RXRA: variants seen among roughly 807,000 people sequenced by gnomAD.
The protein encoded by RXRA is retinoid X receptor alpha.
RXRA carries 5 observed loss-of-function variants against 44.5 expected under a neutral mutation model. The ratio of observed to expected loss-of-function variants is 0.11; its 90% CI spans 0.06 to 0.24. RXRA has a LOEUF of 0.24. Ranked by LOEUF, RXRA falls within the 10% of genes least tolerant of loss-of-function variation. RXRA has a pLI of 1.00. For missense variants in RXRA, 412 were observed against 646.5 expected (o/e 0.64, Z 3.93); for synonymous variants, 291 against 271.4 (o/e 1.07, Z -0.71).
At chr9:134,396,840 C>G (rs1489381262) in intron 1 of RXRA, among the ~76,000 whole-genome samples, 1 of 152,228 alleles carries the variant, frequency 6.6e-6, no homozygotes, top group Admixed American at 6.5e-5. Flanking sequence ...TCGGCCCCAG[C>G]CTGTGGCCTG....
intron 1 of RXRA, among the ~76,000 whole-genome samples, chr9:134,334,504 C>T (rs1170764260): frequency 6.6e-6 from 1 of 152,270 alleles, no homozygotes; most frequent in Non-Finnish European, 1.5e-5. Context: ...GTGTCATTGA[C>T]TGCCGCAGTG....
At chr9:134,422,513 C>A in intron 6 of RXRA, 1 of 1,223,584 alleles carries the variant, frequency 8.2e-7, no homozygotes, top group Non-Finnish European at 1.1e-6. Flanking sequence ...CTCCCCTCTC[C>A]CGGGACACTC....
intron 1 of RXRA, among the ~76,000 whole-genome samples, chr9:134,389,922 G>T (rs1489528703): frequency 6.6e-6 from 1 of 152,212 alleles, no homozygotes; most frequent in Non-Finnish European, 1.5e-5. Context: ...GAGCAGAGAA[G>T]CTGCCTGCCA....
intron 1 of RXRA, among the ~76,000 whole-genome samples, chr9:134,339,854 CAT>C (rs1171541993): frequency 3.5e-5 from 5 of 141,028 alleles, no homozygotes; most frequent in Non-Finnish European, 7.7e-5. Context: ...TGTGTGAGCC[CAT>C]GTGTGTGTGT....
intron 1 of RXRA, among the ~76,000 whole-genome samples, chr9:134,352,599 G>A (rs1490724406): frequency 2.0e-5 from 3 of 152,194 alleles, no homozygotes; most frequent in Non-Finnish European, 2.9e-5. Flanking sequence ...CTTTCCTTTG[G>A]TGGGACTGAA....
intron 2 of RXRA, among the ~76,000 whole-genome samples, chr9:134,406,648 C>T (rs554147633): frequency 7.2e-5 from 11 of 152,300 alleles, no homozygotes; most frequent in South Asian, 2.1e-4. Flanking sequence ...GAGCCCAGCA[C>T]GGGGCAGGGC....
rs768600082 is a variant in RXRA at position 134,367,405 on chromosome 9, GAGA to G, written c.29-34224_29-34222del. Among the ~76,000 whole-genome samples, 31 of 152,336 alleles carry G rather than the reference GAGA, an allele frequency of 2.0e-4. No individual in the cohort carries two copies. In the South Asian group the frequency reaches 4.3e-3, roughly 21 times the overall value. ...CCCACCCTTCCACTCTCTGTGGGAA[GAGA>G]AGGACACTGAGTCTGCCTTGGGTTT... On this transcript the variant is annotated intron_variant, in intron 1 of 9. Transcript: ENST00000481739.
intron 4 of RXRA, among the ~76,000 whole-genome samples, chr9:134,413,633 C>G (rs11103416): frequency 0.018 from 2,744 of 152,312 alleles, 45 homozygotes; most frequent in Non-Finnish European, 0.027. Context: ...ATTGCCACTA[C>G]CCAAGCCAGA....
intron 2 of RXRA, chr9:134,406,454 G>A (rs1489820363): frequency 3.3e-5 from 5 of 151,364 alleles, no homozygotes; most frequent in African/African-American, 7.3e-5. Context: ...CAGTTTTGCC[G>A]ACGAGGAAAC....
At chr9:134,408,441 C>T (rs530014951) in intron 3 of RXRA, 142 bp downstream of exon 3, 38 of 861,452 alleles carry the variant, frequency 4.4e-5, no homozygotes, top group Non-Finnish European at 8.6e-6. Context: ...CTGGGCCATG[C>T]CCCACTCCCA....
chr9:134,427,111 C>A (rs1268372856), intron 6 of RXRA: 2 of 984,310 alleles, frequency 2.0e-6, no homozygotes, highest in Non-Finnish European at 2.4e-6. Context: ...ATTGAGGGGG[C>A]CTCTTCTAGA....
chr9:134,397,524 A>G (rs190092895), intron 1 of RXRA, among the ~76,000 whole-genome samples: 3 of 151,678 alleles, frequency 2.0e-5, no homozygotes, highest in African/African-American at 7.3e-5. Flanking sequence ...TCTTCTGTGC[A>G]GTCTTCCTGG....
At chr9:134,427,173 A>G in intron 6 of RXRA, 3 of 931,288 alleles carry the variant, frequency 3.2e-6, no homozygotes, top group Non-Finnish European at 3.8e-6. Context: ...GCAAAAACAA[A>G]AAAAAAAAAA....
At position 134,389,627 on chromosome 9, in the gene RXRA, G is replaced by C. The variant is rs1588281534; in HGVS notation, c.29-12005G>C. Among the ~76,000 whole-genome samples the C allele has an allele frequency of 2.0e-5, 3 of 152,306 alleles. No homozygotes were observed. In the East Asian group the frequency reaches 5.8e-4, roughly 29 times the overall value. On this transcript the variant is annotated intron_variant, in intron 1 of 9. Coordinates refer to ENST00000481739, the MANE Select transcript of RXRA (RefSeq NM_002957.6). Reference sequence around the variant, plus strand: ...ATTCTGCCAAGTGACCAGTGGAGGGGACAGTGGTGGAGAGGGTGTGCTGAG... The same window carrying C: ...ATTCTGCCAAGTGACCAGTGGAGGGCACAGTGGTGGAGAGGGTGTGCTGAG...
At chr9:134,412,559 A>G (rs1025235899) in intron 4 of RXRA, among the ~76,000 whole-genome samples, 3 of 152,196 alleles carry the variant, frequency 2.0e-5, no homozygotes, top group Non-Finnish European at 2.9e-5. Flanking sequence ...AGGTTGGGCA[A>G]TGGGGCCTGC....
In RXRA at chr9:134,408,307, T is replaced by G; in HGVS notation, c.430+8T>G. The G allele has an allele frequency of 1.3e-6, 2 of 1,595,446 alleles. No individual in the cohort carries two copies. The highest frequency in any genetic ancestry group is 2.7e-5 in the African/African-American group (2 of 74,370). On this transcript the variant is annotated splice_region_variant and intron_variant, in intron 3 of 9. Transcript: ENST00000481739. Reference sequence around the variant, plus strand: ...GCGGGGACCGCTCCTCAGGTACCGCTGCTGTGGGGGCCAGGGGCTGGTGGG... The same window carrying G: ...GCGGGGACCGCTCCTCAGGTACCGCGGCTGTGGGGGCCAGGGGCTGGTGGG...
rs1831065080 is a variant in RXRA at position 134,407,158 on chromosome 9, C to G, written c.280-991C>G. On this transcript the variant is annotated intron_variant, in intron 2 of 9. Coordinates refer to ENST00000481739, the MANE Select transcript of RXRA (RefSeq NM_002957.6). This position sits in a 1 kb window ranked among gnomAD's most constrained non-coding sequence, Gnocchi z 4.8. ...GGGGCTGGAAGACTCATTCCAGGCACCGAGGTCCATGTGAAAGGAGGCTTT... is the reference window on the plus strand; with the variant it reads ...GGGGCTGGAAGACTCATTCCAGGCAGCGAGGTCCATGTGAAAGGAGGCTTT... 6.6e-6 allele frequency among the ~76,000 whole-genome samples: 1 copy of G among 152,216 alleles called. No homozygotes were observed. The highest frequency in any genetic ancestry group is 1.5e-5 in the Non-Finnish European group (1 of 68,038).
At chr9:134,413,605 C>T (rs911150625) in intron 4 of RXRA, among the ~76,000 whole-genome samples, 24 of 152,274 alleles carry the variant, frequency 1.6e-4, no homozygotes, top group Admixed American at 8.5e-4. Context: ...GCACAAGGGA[C>T]GGAGGAAGGA....
rs571316706 is a variant in RXRA, at chr9:134,427,939, C to T, written c.911-1169C>T. ...AAGGTGACTGTGTGACTGCAGGTGA[C>T]TCCATGTCACCCTGTCTATAAGAGC... On this transcript the variant is annotated intron_variant, in intron 6 of 9. Coordinates refer to ENST00000481739, the MANE Select transcript of RXRA (RefSeq NM_002957.6). Among the ~76,000 whole-genome samples, 15 of 152,268 alleles carry T rather than the reference C, an allele frequency of 9.9e-5. No homozygotes were observed. In the South Asian group the frequency reaches 2.1e-3, roughly 21 times the overall value.
Sources: gnomAD v4.1 joint callset for allele counts (sites outside exome capture counted in the v4.1 genomes callset) on GRCh38, gnomAD v4.1.1 for gene constraint, Gnocchi (gnomAD v3.1) non-coding constraint, MANE v1.5 for transcripts, NCBI Gene and HGNC (gene_info 2026-07-23, HGNC 2026-07-21) for gene names.